The following USP34 variants were observed in gnomAD, a reference collection of about 807,000 sequenced individuals.
USP34 encodes the protein ubiquitin specific peptidase 34, also known as ubiquitin carboxyl-terminal hydrolase 34.
USP34 carries 70 observed loss-of-function variants against 460.3 expected under a neutral mutation model. The ratio of observed to expected loss-of-function variants is 0.15; its 90% CI spans 0.13 to 0.19. The LOEUF is 0.19. Ranked by LOEUF, USP34 falls within the 10% of genes least tolerant of loss-of-function variation. The pLI is 1.00. For synonymous variants in USP34, 1,647 were observed against 1,405.3 expected (o/e 1.17, Z -3.85); for missense variants, 3,985 against 4,236.2 (o/e 0.94, Z 1.65).
At chr2:61,427,491 T>C (rs1052304748) in intron 1 of USP34, among the ~76,000 whole-genome samples, 3 of 152,150 alleles carry the variant, frequency 2.0e-5, no homozygotes, top group African/African-American at 4.8e-5. Flanking sequence ...ATGAACTAAA[T>C]AAGGCATCAG....
chr2:61,433,176 T>C (rs1573036454), intron 1 of USP34, among the ~76,000 whole-genome samples: 1 of 152,124 alleles, frequency 6.6e-6, no homozygotes, highest in East Asian at 1.9e-4. Context: ...GGTGACAAAG[T>C]CCAGGAAGGC....
chr2:61,454,490 G>C (rs1230423401), intron 1 of USP34, among the ~76,000 whole-genome samples: 1 of 152,084 alleles, frequency 6.6e-6, no homozygotes, highest in East Asian at 1.9e-4. Context: ...GATCCATGGA[G>C]TTATAGAGAA....
chr2:61,467,165 T>G (rs1006423855), intron 1 of USP34, among the ~76,000 whole-genome samples: 10 of 151,658 alleles, frequency 6.6e-5, no homozygotes, highest in Non-Finnish European at 1.2e-4. Context: ...TAGCTGGGCA[T>G]GGTGACGTGT....
At chr2:61,396,763 C>T (rs1693543025) in intron 3 of USP34, among the ~76,000 whole-genome samples, 1 of 152,156 alleles carries the variant, frequency 6.6e-6, no homozygotes, top group Admixed American at 6.6e-5. Flanking sequence ...GCTGGGATTA[C>T]AGGCATGAGC....
chr2:61,213,073 G>T (rs974356109), intron 68 of USP34, among the ~76,000 whole-genome samples: 1 of 151,934 alleles, frequency 6.6e-6, no homozygotes, highest in Non-Finnish European at 1.5e-5. Flanking sequence ...GTTGCCCAGG[G>T]TGCAGTACAA....
intron 21 of USP34, 59 bp downstream of exon 21, chr2:61,325,316 A>C: frequency 1.7e-6 from 2 of 1,186,360 alleles, no homozygotes; most frequent in Non-Finnish European, 2.4e-6. Context: ...AGCAAAAGTA[A>C]ATTTAGTTCT....
At chr2:61,356,265 A>T (rs1418499904) in intron 10 of USP34, among the ~76,000 whole-genome samples, 1 of 152,150 alleles carries the variant, frequency 6.6e-6, no homozygotes. Context: ...AGGCGGGTGG[A>T]TCACTTGAGC....
chr2:61,229,706 C>A (rs1004093018), intron 58 of USP34, 73 bp from the exon 59 acceptor site: 2 of 1,305,760 alleles, frequency 1.5e-6, no homozygotes, highest in East Asian at 2.4e-5. Flanking sequence ...TAACATGATT[C>A]AAAATTCTCT....
At chr2:61,358,016 T>C in intron 10 of USP34, among the ~76,000 whole-genome samples, 1 of 151,444 alleles carries the variant, frequency 6.6e-6, no homozygotes, top group East Asian at 1.9e-4. Flanking sequence ...CATGGCGAAA[T>C]CCCATCTCTA....
chr2:61,339,315 G>T (rs1176226023), intron 18 of USP34, 36 bp downstream of exon 18: 2 of 1,590,584 alleles, frequency 1.3e-6, no homozygotes, highest in South Asian at 2.3e-5. Flanking sequence ...CAAATACTTT[G>T]ACTACTGCAT....
chr2:61,428,490 CTA>C (rs1694573993), intron 1 of USP34, among the ~76,000 whole-genome samples: 1 of 152,190 alleles, frequency 6.6e-6, no homozygotes, highest in African/African-American at 2.4e-5. Flanking sequence ...TGCTTGCTAA[CTA>C]TGACATTAAG....
At chr2:61,412,305 T>C (rs1694065392) in intron 2 of USP34, among the ~76,000 whole-genome samples, 1 of 151,760 alleles carries the variant, frequency 6.6e-6, no homozygotes, top group Non-Finnish European at 1.5e-5. Flanking sequence ...ATTTTAGCTG[T>C]AATTTATATC....
At chr2:61,192,049 C>T (rs1686661252) in intron 76 of USP34, among the ~76,000 whole-genome samples, 1 of 152,164 alleles carries the variant, frequency 6.6e-6, no homozygotes, top group African/African-American at 2.4e-5. Context: ...AGAGAAACCA[C>T]CAGTAGAGTA....
At chr2:61,354,319 T>TA (rs1237336621) in intron 10 of USP34, among the ~76,000 whole-genome samples, 9 of 152,158 alleles carry the variant, frequency 5.9e-5, no homozygotes, top group Non-Finnish European at 7.3e-5. Context: ...TCCAAAACGT[T>TA]AGAGGCCAGA....
intron 10 of USP34, among the ~76,000 whole-genome samples, chr2:61,362,110 T>C (rs528175018): frequency 6.6e-6 from 1 of 152,224 alleles, no homozygotes; most frequent in East Asian, 1.9e-4. Context: ...ATCAAAAGCA[T>C]ATCTCACACC....
At chr2:61,470,338 G>A (rs1037454176) in intron 1 of USP34, among the ~76,000 whole-genome samples, 6 of 152,150 alleles carry the variant, frequency 3.9e-5, no homozygotes, top group Non-Finnish European at 7.4e-5. Flanking sequence ...AGGCGAAGGC[G>A]GCGAGGGGTT....
At chr2:61,401,965 A>T (rs1693734964) in intron 3 of USP34, among the ~76,000 whole-genome samples, 1 of 151,776 alleles carries the variant, frequency 6.6e-6, no homozygotes, top group Non-Finnish European at 1.5e-5. Flanking sequence ...AAATGCAACT[A>T]GCATGGCAAG....
chr2:61,456,916 G>A (rs1695457977), intron 1 of USP34, among the ~76,000 whole-genome samples: 1 of 152,036 alleles, frequency 6.6e-6, no homozygotes, highest in Admixed American at 6.6e-5. Context: ...GGGACGTTGA[G>A]GCTGCAGTTA....
At chr2:61,375,768 C>CAACAAAAAAAAA (rs1692776505) in intron 8 of USP34, among the ~76,000 whole-genome samples, 1 of 80,886 alleles carries the variant, frequency 1.2e-5, no homozygotes, top group Admixed American at 1.6e-4. Context: ...GACTCTGTCT[C>CAACAAAAAAAAA]AAAAAAAAAA....
Sources: gnomAD v4.1 joint callset for allele counts (sites outside exome capture counted in the v4.1 genomes callset) on GRCh38, gnomAD v4.1.1 for gene constraint, MANE v1.5 for transcripts, NCBI Gene and HGNC (gene_info 2026-07-23, HGNC 2026-07-21) for gene names.